GALNT11: variants seen among roughly 807,000 people sequenced by gnomAD.
GALNT11 encodes polypeptide N-acetylgalactosaminyltransferase 11.
Under a neutral mutation model 72.7 loss-of-function variants are expected in GALNT11, and 47 were observed. The observed-to-expected ratio is 0.65, with a 90% CI of 0.51 to 0.82. The LOEUF (loss-of-function observed/expected upper bound fraction) is 0.82, where lower values mean the gene tolerates loss of function less well. Ranked by LOEUF, GALNT11 falls within the 40% of genes least tolerant of loss-of-function variation. The pLI is 0.00. For synonymous variants in GALNT11, 270 were observed against 286.6 expected (o/e 0.94, Z 0.58); for missense variants, 677 against 778.4 (o/e 0.87, Z 1.55).
At chr7:152,035,509 A>G (rs542590478) in intron 1 of GALNT11, among the ~76,000 whole-genome samples, 1 of 152,190 alleles carries the variant, frequency 6.6e-6, no homozygotes, top group South Asian at 2.1e-4. Context: ...GGGTCAACCA[A>G]CTTGTTGTCA....
intron 1 of GALNT11, among the ~76,000 whole-genome samples, chr7:152,038,131 C>G (rs773090769): frequency 3.9e-5 from 6 of 152,058 alleles, no homozygotes; most frequent in Admixed American, 6.6e-5. Flanking sequence ...CATTCACTGC[C>G]GAGACCAGCT....
chr7:152,076,633 A>G (rs1288950274), intron 1 of GALNT11, among the ~76,000 whole-genome samples: 1 of 152,186 alleles, frequency 6.6e-6, no homozygotes, highest in Admixed American at 6.5e-5. Context: ...TCAGGTAGGT[A>G]CACATTCCCC....
intron 1 of GALNT11, among the ~76,000 whole-genome samples, chr7:152,071,298 T>G (rs1384454309): frequency 6.6e-6 from 1 of 152,196 alleles, no homozygotes; most frequent in Non-Finnish European, 1.5e-5. Flanking sequence ...GGGTGCTGTT[T>G]ATAAGCGTAT....
intron 1 of GALNT11, among the ~76,000 whole-genome samples, chr7:152,080,943 C>T (rs571868070): frequency 6.6e-6 from 1 of 152,236 alleles, no homozygotes; most frequent in East Asian, 1.9e-4. Context: ...GCACTCCAGC[C>T]TGGGCGACAA....
chr7:152,066,325 G>T (rs1305045584), intron 1 of GALNT11, among the ~76,000 whole-genome samples: 1 of 152,170 alleles, frequency 6.6e-6, no homozygotes, highest in African/African-American at 2.4e-5. Context: ...TATTTTCAAG[G>T]TACCGTCTGT....
chr7:152,087,450 C>A (rs573061492), intron 1 of GALNT11, among the ~76,000 whole-genome samples: 24 of 152,170 alleles, frequency 1.6e-4, no homozygotes, highest in African/African-American at 5.5e-4. Flanking sequence ...GTGTCTAGGA[C>A]AAAATGAATG....
chr7:152,076,657 T>C (rs2084999980), intron 1 of GALNT11, among the ~76,000 whole-genome samples: 1 of 152,238 alleles, frequency 6.6e-6, no homozygotes, highest in African/African-American at 2.4e-5. Flanking sequence ...AGTTTGGGCC[T>C]GCCCTGCACG....
chr7:152,074,712 T>C lies in GALNT11; in HGVS notation c.-38-19478T>C, dbSNP rs1412391707. Among the ~76,000 whole-genome samples, 3 of 152,126 alleles carry C rather than the reference T, an allele frequency of 2.0e-5. No individual in the cohort carries two copies. The East Asian group carries it at 5.8e-4, about 29-fold the overall frequency. On this transcript the variant is annotated intron_variant, in intron 1 of 11. Coordinates refer to ENST00000430044, the MANE Select transcript of GALNT11 (RefSeq NM_022087.4). ...GGTTAAATCTCAGTCTGACAGTGGGTCTGGGTCTCACATAGGTTCACTCTT... is the reference window on the plus strand; with the variant it reads ...GGTTAAATCTCAGTCTGACAGTGGGCCTGGGTCTCACATAGGTTCACTCTT...
At chr7:152,100,481 G>A (rs1011900713) in intron 2 of GALNT11, among the ~76,000 whole-genome samples, 1 of 151,716 alleles carries the variant, frequency 6.6e-6, no homozygotes, top group Non-Finnish European at 1.5e-5. Context: ...CAGGAGAATC[G>A]CTTGAACCAG....
rs963424388 is a variant in GALNT11, at chr7:152,115,890, C to G, written c.1234-1267C>G. Among the ~76,000 whole-genome samples the G allele has an allele frequency of 4.0e-5, 6 of 151,740 alleles. No homozygotes were observed. In the South Asian group the frequency reaches 1.0e-3, roughly 26 times the overall value. Reference sequence around the variant, plus strand: ...TGACCAACATGGAGAAACCCCATCTCTACTAAAAATACAAAATTAGCCGGG... The same window carrying G: ...TGACCAACATGGAGAAACCCCATCTGTACTAAAAATACAAAATTAGCCGGG... On this transcript the variant is annotated intron_variant, in intron 8 of 11. Coordinates refer to ENST00000430044, the MANE Select transcript of GALNT11 (RefSeq NM_022087.4).
chr7:152,041,312 G>A (rs1182711301), intron 1 of GALNT11, among the ~76,000 whole-genome samples: 2 of 152,190 alleles, frequency 1.3e-5, no homozygotes, highest in African/African-American at 4.8e-5. Flanking sequence ...AATGGTTATC[G>A]AGAATACCCA....
chr7:152,096,076 GATTTGT>G (rs2086351436), intron 2 of GALNT11, among the ~76,000 whole-genome samples: 3 of 152,182 alleles, frequency 2.0e-5, no homozygotes, highest in Admixed American at 2.0e-4. Context: ...GGAGCTGCAA[GATTTGT>G]ATGCTGAAAA....
chr7:152,052,946 A>T (rs536378767), intron 1 of GALNT11, among the ~76,000 whole-genome samples: 1 of 152,142 alleles, frequency 6.6e-6, no homozygotes, highest in Non-Finnish European at 1.5e-5. Context: ...TGAAAGCTGT[A>T]TATTGATTTT....
chr7:152,055,146 C>T (rs1221787624), intron 1 of GALNT11, among the ~76,000 whole-genome samples: 1 of 152,176 alleles, frequency 6.6e-6, no homozygotes, highest in African/African-American at 2.4e-5. Flanking sequence ...GACTAGGGCT[C>T]AGCCTAATGG....
intron 1 of GALNT11, among the ~76,000 whole-genome samples, chr7:152,075,581 C>T (rs2084909599): frequency 6.6e-6 from 1 of 152,020 alleles, no homozygotes; most frequent in Admixed American, 6.5e-5. Flanking sequence ...GCAAGGCTGG[C>T]GGATCACCTG....
chr7:152,085,758 A>G (rs938266224), intron 1 of GALNT11, among the ~76,000 whole-genome samples: 2 of 152,020 alleles, frequency 1.3e-5, no homozygotes, highest in African/African-American at 4.8e-5. Context: ...TCTCTTGCCC[A>G]GGTTGGAGTG....
chr7:152,043,583 C>G (rs2082976390), intron 1 of GALNT11, among the ~76,000 whole-genome samples: 1 of 152,156 alleles, frequency 6.6e-6, no homozygotes, highest in Non-Finnish European at 1.5e-5. Context: ...TCTAAATCAC[C>G]CTCTCATCTA....
At chr7:152,035,222 GCAAAAATTA>G (rs2082507033) in intron 1 of GALNT11, among the ~76,000 whole-genome samples, 1 of 152,130 alleles carries the variant, frequency 6.6e-6, no homozygotes, top group Admixed American at 6.6e-5. Context: ...GGGGCTTTGG[GCAAAAATTA>G]TGTCTTTCTA....
intron 1 of GALNT11, among the ~76,000 whole-genome samples, chr7:152,032,833 G>C (rs2082367943): frequency 1.3e-5 from 2 of 152,166 alleles, no homozygotes; most frequent in Non-Finnish European, 2.9e-5. Context: ...TCCCTAATAA[G>C]GGTGTGGGAC....
Sources: allele counts gnomAD v4.1 joint callset (sites outside exome capture counted in the v4.1 genomes callset), GRCh38; gene constraint gnomAD v4.1.1; transcripts MANE v1.5; gene names NCBI Gene and HGNC (gene_info 2026-07-23, HGNC 2026-07-21).